The following SYTL2 variants were observed in gnomAD, a reference collection of about 807,000 sequenced individuals.
The protein encoded by SYTL2 is synaptotagmin-like protein 2.
In SYTL2, 165 loss-of-function variants were observed where a neutral mutation model predicts 198.7. That is an observed-to-expected ratio of 0.83 (90% CI 0.73 to 0.94). SYTL2 has a LOEUF of 0.94. SYTL2 is among the 40% of genes least tolerant of loss of function. The pLI is 0.00. For missense variants in SYTL2, 2,835 were observed against 2,582.8 expected, an observed-to-expected ratio of 1.10 and a Z score of -2.12; for synonymous variants, 966 against 917.7, an observed-to-expected ratio of 1.05 and a Z score of -0.95.
At chr11:85,737,737 T>C in intron 4 of SYTL2, 81 bp from the exon 5 acceptor site, 1 of 1,178,298 alleles carries the variant, frequency 8.5e-7, no homozygotes, top group Non-Finnish European at 1.2e-6. Context: ...TGGAAAGCTA[T>C]CAGCAGGCTA....
At chr11:85,817,903 T>C in the SYTL2 span, among the ~76,000 whole-genome samples, 3 of 72,114 alleles carry the variant, frequency 4.2e-5, no homozygotes, top group Non-Finnish European at 7.0e-5. Flanking sequence ...GTGTCTTTTC[T>C]TTTTTTTTTT....
intron 1 of SYTL2, among the ~76,000 whole-genome samples, chr11:85,766,713 G>A (rs1387434568): frequency 1.3e-5 from 2 of 152,138 alleles, no homozygotes; most frequent in Non-Finnish European, 2.9e-5. Flanking sequence ...CTGCCTCAGA[G>A]AGTTTAGATT....
In SYTL2 at chr11:85,725,682, A is replaced by T. The variant is rs1300045129; in HGVS notation, c.3676T>A (p.Ser1226Thr). 6.2e-7 allele frequency: 1 copy of T among 1,613,976 alleles called. No homozygotes were observed. Among genetic ancestry groups the T allele is most frequent in the East Asian group, 2.2e-5 (1 of 44,882 alleles). The change falls in exon 8 of 20, where the codon TCT becomes ACT. Residue 1226 changes from serine to threonine, a missense_variant. Around this residue, in one of 3 missense-constraint regions of SYTL2, gnomAD observed 2,645 missense variants for 2,381.7 expected, o/e 1.11. Coordinates refer to ENST00000359152, the MANE Select transcript of SYTL2 (RefSeq NM_206927.4). ...LLKEATGTSP[S>T]PLQAKLAPVI... The stretch of plus-strand genomic sequence containing the variant: ...GGCGCCAACTTGGCTTGCAAGGGAG[A>T]GGGTGAAGTTCCAGTTGCTTCCTTC...
chr11:85,700,870 G>A (rs2084185756), intron 16 of SYTL2, among the ~76,000 whole-genome samples: 1 of 152,178 alleles, frequency 6.6e-6, no homozygotes, highest in Admixed American at 6.5e-5. Flanking sequence ...GGCTTTCTTG[G>A]AGATGGGAGA....
At chr11:85,729,188 G>C (rs762472047) in intron 7 of SYTL2, among the ~76,000 whole-genome samples, 1 of 152,154 alleles carries the variant, frequency 6.6e-6, no homozygotes, top group African/African-American at 2.4e-5. Flanking sequence ...CAACGATACA[G>C]AAAATTAACA....
the SYTL2 span, among the ~76,000 whole-genome samples, chr11:85,822,399 T>C: frequency 6.6e-6 from 1 of 152,240 alleles, no homozygotes; most frequent in Non-Finnish European, 1.5e-5. Context: ...ACACTTTACT[T>C]ATTCTGCCAG....
Position 85,757,790 on chromosome 11 carries a change from T to C in SYTL2, c.-65A>G, listed in dbSNP as rs1051214781. On this transcript the variant is annotated 5_prime_UTR_variant, in exon 2 of 20. Transcript: ENST00000359152. ...CTCAAAATTCTCAGGGCTGAACAAC[T>C]AAGACTGCAACCAGGAAGATTAAAA... 1.3e-6 allele frequency: 2 copies of C among 1,593,126 alleles called. No individual in the cohort carries two copies. The highest frequency in any genetic ancestry group is 2.7e-5 in the African/African-American group (2 of 74,662).
intron 1 of SYTL2, among the ~76,000 whole-genome samples, chr11:85,773,467 G>A (rs1033041786): frequency 2.0e-5 from 3 of 152,138 alleles, no homozygotes; most frequent in South Asian, 2.1e-4. Context: ...ACCTCCTGTC[G>A]GAAGATGAGT....
At chr11:85,773,991 C>T (rs1323502259) in intron 1 of SYTL2, among the ~76,000 whole-genome samples, 2 of 147,344 alleles carry the variant, frequency 1.4e-5, no homozygotes, top group African/African-American at 2.5e-5. Context: ...GAAGGAAAAT[C>T]TCTAAAAGGA....
chr11:85,751,008 TA>T (rs2091478348), intron 2 of SYTL2, among the ~76,000 whole-genome samples: 1 of 151,950 alleles, frequency 6.6e-6, no homozygotes, highest in African/African-American at 2.4e-5. Flanking sequence ...TGTTCCTGCC[TA>T]AATGACTGTC....
In SYTL2 at chr11:85,718,902, A is replaced by C. The variant is rs942790638; in HGVS notation, c.5429-59T>G. 44 of 1,596,864 alleles carry C rather than the reference A, an allele frequency of 2.8e-5. No homozygotes were observed. The African/African-American group carries it at 4.3e-4, about 16-fold the overall frequency. ...GCTGACCCTTGGAGAGAAAAGAACA[A>C]TGAGATTGTCCCTGGAAGCCCCCGG... On this transcript the variant is annotated intron_variant, in intron 9 of 19. Transcript: ENST00000359152.
chr11:85,833,011 AAAAGAAAGAAAGAAAGAAAGAAAG>A, the SYTL2 span, among the ~76,000 whole-genome samples: 393 of 48,130 alleles, frequency 8.2e-3, 10 homozygotes, highest in Middle Eastern at 0.018. Flanking sequence ...AAAAAGAAAG[AAAAGAAAGAAAGAAAGAAAGAAAG>A]AAAGAAAGAA....
rs1190169849 is a variant in SYTL2, at chr11:85,727,825, T to C, written c.1533A>G (p.Ile511Met). 9.9e-6 allele frequency: 16 copies of C among 1,610,396 alleles called. No homozygotes were observed. In the East Asian group the frequency reaches 3.6e-4, roughly 36 times the overall value. ...ATATGGAATCATCAGTTGACTTCTTTATCTCAGTGGCATATGGACCAGAAC... is the reference window on the plus strand; with the variant it reads ...ATATGGAATCATCAGTTGACTTCTTCATCTCAGTGGCATATGGACCAGAAC... ...SSRSGPYATE[I>M]KKSTDDSIFK... Residue 511 changes from isoleucine (I) to methionine (M), a missense_variant, in exon 8 of 20, where the codon ATA (isoleucine) becomes ATG (methionine). Around this residue, in one of 3 missense-constraint regions of SYTL2, gnomAD observed 2,645 missense variants for 2,381.7 expected, o/e 1.11. Transcript: ENST00000359152.
At chr11:85,833,154 GGAAA>G in the SYTL2 span, among the ~76,000 whole-genome samples, 1,333 of 55,664 alleles carry the variant, frequency 0.024, 112 homozygotes, top group Middle Eastern at 0.031. Flanking sequence ...AAGGAAGGAA[GGAAA>G]GAAAGAAAGA....
At chr11:85,708,271 T>G (rs2085568149) in intron 14 of SYTL2, 1 of 259,022 alleles carries the variant, frequency 3.9e-6, no homozygotes, top group Admixed American at 5.3e-5. Flanking sequence ...TTTAAGTTTT[T>G]GTTACCGTCT....
chr11:85,817,458 G>A, the SYTL2 span, among the ~76,000 whole-genome samples: 5 of 152,044 alleles, frequency 3.3e-5, no homozygotes, highest in African/African-American at 1.2e-4. Flanking sequence ...ATGTTGAAAT[G>A]ATATTTTGAA....
intron 4 of SYTL2, among the ~76,000 whole-genome samples, chr11:85,742,010 A>T (rs998348924): frequency 6.6e-6 from 1 of 152,134 alleles, no homozygotes; most frequent in African/African-American, 2.4e-5. Flanking sequence ...CCAGAAGAAA[A>T]CCTGCCAATG....
intron 12 of SYTL2, 75 bp downstream of exon 12, chr11:85,714,338 C>A: frequency 8.0e-7 from 1 of 1,246,168 alleles, no homozygotes; most frequent in Non-Finnish European, 1.2e-6. Flanking sequence ...CAGTGGAATA[C>A]AAACACACCA....
chr11:85,835,848 T>C, the SYTL2 span, among the ~76,000 whole-genome samples: 5 of 152,176 alleles, frequency 3.3e-5, no homozygotes, highest in African/African-American at 1.2e-4. Flanking sequence ...AGTTGCTATT[T>C]GGTAGTAGGG....
Sources: gnomAD v4.1 joint callset for allele counts (sites outside exome capture counted in the v4.1 genomes callset) on GRCh38, gnomAD v4.1.1 for gene constraint, gnomAD v4.1.1 regional missense constraint, MANE v1.5 for transcripts, NCBI Gene and HGNC (gene_info 2026-07-23, HGNC 2026-07-21) for gene names.